Variants in SYNE2 observed in about 807,000 individuals in gnomAD.
SYNE2 encodes nesprin-2.
In SYNE2, 431 loss-of-function variants were observed where a neutral mutation model predicts 856.3. The ratio of observed to expected loss-of-function variants is 0.50; its 90% CI spans 0.47 to 0.55. The LOEUF (loss-of-function observed/expected upper bound fraction) is 0.55. Among genes scored for constraint, SYNE2 ranks in the 20% least tolerant of loss-of-function variants. The pLI, the probability that SYNE2 is intolerant of heterozygous loss-of-function variation, is 0.00. For missense variants in SYNE2, 8,129 were observed against 8,023.2 expected (o/e 1.01, Z -0.50); for synonymous variants, 2,923 against 2,872.3 (o/e 1.02, Z -0.56).
In SYNE2 at chr14:63,970,651, CTTTTTT is replaced by C. The variant is rs61126600; in HGVS notation, c.1128+2820_1128+2825del. 1.9e-4 allele frequency among the ~76,000 whole-genome samples: 19 copies of C among 98,894 alleles called. No individual in the cohort carries two copies. In the East Asian group the frequency reaches 5.2e-3, roughly 27 times the overall value. The allele number at this position is 98,894 out of a possible 152,430, so 64.9% of individuals were successfully genotyped here. ...TTCTGTCTTTTTTCTTTTCTTTTTTCTTTTTTTTTTTTTTTTTTTTGAGATATAGTC... is the reference window on the plus strand; with the variant it reads ...TTCTGTCTTTTTTCTTTTCTTTTTTCTTTTTTTTTTTTTTGAGATATAGTC... On this transcript the variant is annotated intron_variant, in intron 11 of 115. Transcript: ENST00000555002.
chr14:63,954,697 T>C (rs756204464), intron 7 of SYNE2, 22 bp from the exon 8 acceptor site: 5 of 1,609,514 alleles, frequency 3.1e-6, no homozygotes, highest in Admixed American at 1.7e-5. Flanking sequence ...GTATTTGTCA[T>C]GTTTTTGTCT....
chr14:64,159,163 C>T, intron 86 of SYNE2, 149 bp from the exon 87 acceptor site: 1 of 1,089,216 alleles, frequency 9.2e-7, no homozygotes, highest in Admixed American at 2.0e-5. Context: ...AATGCCTTCT[C>T]CATTGTTTTC....
chr14:63,906,884 G>A (rs2095415125), intron 1 of SYNE2, among the ~76,000 whole-genome samples: 1 of 152,134 alleles, frequency 6.6e-6, no homozygotes, highest in Non-Finnish European at 1.5e-5. Context: ...TCTGATGAGG[G>A]CCTGTTTCCT....
chr14:64,146,745 T>G (rs1169956939), intron 84 of SYNE2, among the ~76,000 whole-genome samples: 1 of 152,246 alleles, frequency 6.6e-6, no homozygotes, highest in African/African-American at 2.4e-5. Flanking sequence ...CATCACTCAG[T>G]CTTTGCACAC....
At chr14:63,823,829 G>A (rs1025112676) in intron 1 of SYNE2, among the ~76,000 whole-genome samples, 2 of 151,910 alleles carry the variant, frequency 1.3e-5, no homozygotes, top group African/African-American at 4.8e-5. Context: ...TAGAAACAGA[G>A]TCTCCCTATG....
At chr14:64,054,065 G>A (rs1202703038) in intron 48 of SYNE2, among the ~76,000 whole-genome samples, 1 of 152,164 alleles carries the variant, frequency 6.6e-6, no homozygotes, top group Non-Finnish European at 1.5e-5. Flanking sequence ...TAATTCCAAA[G>A]AAGCTATAGG....
Position 64,174,988 on chromosome 14 carries a change from A to T in SYNE2, c.17280A>T (p.Leu5760=). 1 of 1,614,176 alleles carries T rather than the reference A, an allele frequency of 6.2e-7. No individual in the cohort carries two copies. The change falls in exon 95 of 116, where the codon CTA becomes CTT. Residue 5760 remains leucine (L), a synonymous_variant. Transcript: ENST00000555002. ...HFQRRRTTCA[L]TLEAGEKLLL... is the part of the protein sequence containing the mutation. ...AAAGGAGGCGAACTACCTGTGCCCT[A>T]ACCTTGGAAGCTGGAGAAAAGTTAC... is the stretch of plus-strand genomic sequence containing the variant.
At chr14:64,009,873 C>T (rs2096830157) in intron 31 of SYNE2, 93 bp from the exon 32 acceptor site, 1 of 1,148,882 alleles carries the variant, frequency 8.7e-7, no homozygotes, top group Admixed American at 1.9e-5. Flanking sequence ...GTCCTTTACA[C>T]CTTATTCATC....
At chr14:64,004,455 C>G (rs187044114) in intron 30 of SYNE2, among the ~76,000 whole-genome samples, 1 of 150,242 alleles carries the variant, frequency 6.7e-6, no homozygotes, top group Non-Finnish European at 1.5e-5. Flanking sequence ...CTCAGCCCCC[C>G]AGTAGCTGGG....
intron 92 of SYNE2, 61 bp downstream of exon 92, chr14:64,167,700 T>C: frequency 6.2e-7 from 1 of 1,609,994 alleles, no homozygotes; most frequent in Non-Finnish European, 8.5e-7. Context: ...CAGGGAAAGA[T>C]AGCTTTAAAT....
At chr14:64,047,677 C>G (rs2097195944) in intron 45 of SYNE2, among the ~76,000 whole-genome samples, 1 of 152,210 alleles carries the variant, frequency 6.6e-6, no homozygotes, top group African/African-American at 2.4e-5. Flanking sequence ...GCCCTGCCCA[C>G]TGTATCCTGG....
intron 96 of SYNE2, among the ~76,000 whole-genome samples, chr14:64,178,326 A>G (rs1198406421): frequency 6.6e-6 from 1 of 152,234 alleles, no homozygotes; most frequent in Non-Finnish European, 1.5e-5. Flanking sequence ...ATTAAAAAGT[A>G]TACACACAGT....
At chr14:63,859,101 G>A (rs1453994317) in intron 1 of SYNE2, among the ~76,000 whole-genome samples, 2 of 152,156 alleles carry the variant, frequency 1.3e-5, no homozygotes, top group Non-Finnish European at 1.5e-5. Context: ...GGGACGAGGG[G>A]CATTTGTTCC....
intron 85 of SYNE2, among the ~76,000 whole-genome samples, chr14:64,154,170 A>T (rs1405936660): frequency 8.5e-5 from 7 of 82,562 alleles, no homozygotes; most frequent in Admixed American, 4.7e-4. Flanking sequence ...ATTTGTATTA[A>T]AAAAAAAAAA....
chr14:64,007,060 G>T lies in SYNE2; in HGVS notation c.4415G>T (p.Arg1472Ile). Residue 1472 changes from arginine to isoleucine, a missense_variant, in exon 31 of 116, where the codon AGA becomes ATA. Arg to Ile is a moderately conservative substitution (Grantham distance 97). Coordinates refer to ENST00000555002, the MANE Select transcript of SYNE2 (RefSeq NM_182914.3). ...AVKHRKKSLI[R>I]LDKVLDEYEE... ...TAATCAAGGAAAAAATCATTAATCA[G>T]ACTGGATAAGGTTCTAGATGAATAT... 1 of 1,613,334 alleles carries T rather than the reference G, an allele frequency of 6.2e-7. No homozygotes were observed. Among genetic ancestry groups the T allele is most frequent in the East Asian group, 2.2e-5 (1 of 44,856 alleles).
At chr14:63,766,204 G>A (rs1006321181) in intron 1 of SYNE2, among the ~76,000 whole-genome samples, 9 of 151,194 alleles carry the variant, frequency 6.0e-5, no homozygotes, top group Non-Finnish European at 8.8e-5. Context: ...TCAGCCTCCC[G>A]AGTAGTTGGG....
At position 64,161,288 on chromosome 14, in the gene SYNE2, G is replaced by A. The variant is rs184168105; in HGVS notation, c.16095-784G>A. 2.1e-3 allele frequency among the ~76,000 whole-genome samples: 324 copies of A among 151,634 alleles called. 1 individual carries two copies. The highest frequency in any genetic ancestry group is 7.5e-3 in the African/African-American group (310 of 41,326). On this transcript the variant is annotated intron_variant, in intron 87 of 115. Transcript: ENST00000555002. ...AAGCCCAGGAGGTCAAGGCTACAGT[G>A]AGCTGAGATTGCACCACTGCACTCC...
At chr14:64,059,864 G>A (rs1367585956) in intron 49 of SYNE2, among the ~76,000 whole-genome samples, 2 of 152,198 alleles carry the variant, frequency 1.3e-5, no homozygotes, top group Non-Finnish European at 2.9e-5. Context: ...GTGCTACTGT[G>A]GCTGAGCTGG....
chr14:63,942,247 T>C (rs1406961930), intron 6 of SYNE2, 104 bp downstream of exon 6: 1 of 752,446 alleles, frequency 1.3e-6, no homozygotes, highest in Non-Finnish European at 2.3e-6. Flanking sequence ...GAGCTTCTCC[T>C]ATAAATAGGA....
Sources: gnomAD v4.1 joint callset for allele counts (sites outside exome capture counted in the v4.1 genomes callset) on GRCh38, gnomAD v4.1.1 for gene constraint, MANE v1.5 for transcripts, NCBI Gene and HGNC (gene_info 2026-07-23, HGNC 2026-07-21) for gene names.